CPNE3: variants seen among roughly 807,000 people sequenced by gnomAD.
CPNE3 encodes copine-3.
Under a neutral mutation model 63.9 loss-of-function variants are expected in CPNE3, and 68 were observed. The ratio of observed to expected loss-of-function variants is 1.06; its 90% CI spans 0.87 to 1.30. The LOEUF (loss-of-function observed/expected upper bound fraction) is 1.30, where lower values mean the gene tolerates loss of function less well. Ranked by LOEUF, CPNE3 falls within the 50% of genes most tolerant of loss-of-function variation. The pLI is 0.00. For missense variants in CPNE3, 665 were observed against 578.1 expected (o/e 1.15, Z -1.54); for synonymous variants, 219 against 197.5 (o/e 1.11, Z -0.91).
intron 10 of CPNE3, 94 bp downstream of exon 10, chr8:86,546,775 G>A (rs1402492506): frequency 6.7e-6 from 9 of 1,341,162 alleles, no homozygotes; most frequent in Non-Finnish European, 8.0e-6. Context: ...GCAGTGGTGT[G>A]ATCTCGGCTC....
intron 8 of CPNE3, among the ~76,000 whole-genome samples, chr8:86,542,743 T>A (rs1820969802): frequency 6.6e-6 from 1 of 152,060 alleles, no homozygotes; most frequent in Non-Finnish European, 1.5e-5. Context: ...CCTCATACCG[T>A]ATCTGAACAT....
rs1170910826 is a variant in CPNE3, at chr8:86,532,535, TA to T, written c.415del (p.Arg139GlufsTer37). On this transcript the variant is annotated frameshift_variant, in exon 6 of 17. Transcript: ENST00000517490. LOFTEE classifies it high-confidence loss of function. Reference sequence around the variant, plus strand: ...TTTCAGCTGAAGAAATAAAAGATAATAGAGTGGTCTTGTTTGAAATGGAAGC... The same window carrying T: ...TTTCAGCTGAAGAAATAAAAGATAATGAGTGGTCTTGTTTGAAATGGAAGC... ...TISAEEIKDN[R>X]VVLFEMEARK... The T allele has an allele frequency of 6.2e-7, 1 of 1,612,728 alleles. No homozygotes were observed. Among genetic ancestry groups the T allele is most frequent in the Admixed American group, 1.7e-5 (1 of 59,812 alleles).
intron 8 of CPNE3, among the ~76,000 whole-genome samples, chr8:86,544,223 A>G (rs1019752460): frequency 6.6e-6 from 1 of 152,116 alleles, no homozygotes; most frequent in Non-Finnish European, 1.5e-5. Context: ...ATCATATCTA[A>G]CTTATAATAC....
intron 6 of CPNE3, among the ~76,000 whole-genome samples, chr8:86,536,037 A>G (rs1820795761): frequency 6.6e-6 from 1 of 152,036 alleles, no homozygotes; most frequent in Non-Finnish European, 1.5e-5. Flanking sequence ...TCACGTAAAA[A>G]ATTTACATGG....
chr8:86,537,175 C>G (rs1302133020), intron 6 of CPNE3, among the ~76,000 whole-genome samples: 3 of 152,152 alleles, frequency 2.0e-5, no homozygotes, highest in Admixed American at 2.0e-4. Flanking sequence ...ACTGCCCTGT[C>G]TCCATAGAGT....
At chr8:86,516,451 C>T (rs1212102203) in intron 2 of CPNE3, among the ~76,000 whole-genome samples, 3 of 152,192 alleles carry the variant, frequency 2.0e-5, no homozygotes, top group East Asian at 3.8e-4. Flanking sequence ...TTTCTATGCT[C>T]TTTATGATGG....
At chr8:86,554,543 G>A (rs529847559) in intron 14 of CPNE3, among the ~76,000 whole-genome samples, 1 of 152,032 alleles carries the variant, frequency 6.6e-6, no homozygotes, top group African/African-American at 2.4e-5. Context: ...TTCTATCAGA[G>A]CCACATTCCC....
chr8:86,542,804 T>C (rs1298091077), intron 8 of CPNE3, among the ~76,000 whole-genome samples: 1 of 151,942 alleles, frequency 6.6e-6, no homozygotes, highest in East Asian at 1.9e-4. Flanking sequence ...AAGAGGGAGC[T>C]TTTTCTATAT....
intron 2 of CPNE3, among the ~76,000 whole-genome samples, chr8:86,518,306 G>A (rs1820359278): frequency 6.6e-6 from 1 of 152,200 alleles, no homozygotes; most frequent in Non-Finnish European, 1.5e-5. Context: ...GGAAATTCCA[G>A]AAGGGGGGAA....
chr8:86,551,119 T>G lies in CPNE3; in HGVS notation c.1068+19T>G. The G allele has an allele frequency of 6.2e-7, 1 of 1,613,286 alleles. No individual in the cohort carries two copies. On this transcript the variant is annotated intron_variant, in intron 13 of 16. Transcript: ENST00000517490. ...GTGGCAGGTAAGAGGAAATCTCTAT[T>G]TTAAAGCTTTGCCTCCTAGAAAAGC...
chr8:86,519,623 T>A (rs1402001040), intron 2 of CPNE3, among the ~76,000 whole-genome samples: 1 of 152,248 alleles, frequency 6.6e-6, no homozygotes, highest in African/African-American at 2.4e-5. Context: ...TTTGTTTGTT[T>A]ATTTAAGTCA....
intron 6 of CPNE3, among the ~76,000 whole-genome samples, chr8:86,533,861 A>G (rs1270322076): frequency 6.6e-6 from 1 of 150,920 alleles, no homozygotes; most frequent in Non-Finnish European, 1.5e-5. Flanking sequence ...CCTTTCTTTT[A>G]TTTCTTTCTT....
In CPNE3 at chr8:86,531,847, G is replaced by T. The variant is rs148435396; in HGVS notation, c.387+618G>T. Among the ~76,000 whole-genome samples, 248 of 152,268 alleles carry T rather than the reference G, an allele frequency of 1.6e-3. 1 individual carries two copies. The highest frequency in any genetic ancestry group is 5.6e-3 in the African/African-American group (232 of 41,558). ...TCTGTACAGATAACTGCTGCCTGGA[G>T]TGATAGTATTTTAACTTTAGCTCCC... On this transcript the variant is annotated intron_variant, in intron 5 of 16. Coordinates refer to ENST00000517490, the MANE Select transcript of CPNE3 (RefSeq NM_003909.5).
intron 6 of CPNE3, among the ~76,000 whole-genome samples, chr8:86,534,885 G>C (rs1169211642): frequency 6.6e-6 from 1 of 152,134 alleles, no homozygotes; most frequent in African/African-American, 2.4e-5. Context: ...AATGTGACCA[G>C]TGAAGTTTTT....
chr8:86,521,681 G>T (rs1474831058), intron 2 of CPNE3: 1 of 152,176 alleles, frequency 6.6e-6, no homozygotes, highest in Non-Finnish European at 1.5e-5. Context: ...GGTTTATGCT[G>T]TGGTGGTGAC....
At chr8:86,553,930 A>G (rs11782610) in intron 14 of CPNE3, 99,757 of 151,722 alleles carry the variant, frequency 0.66, 33,784 homozygotes, top group Non-Finnish European at 0.74. Flanking sequence ...AATGTCAGTC[A>G]GCTTTCACTG....
intron 2 of CPNE3, among the ~76,000 whole-genome samples, chr8:86,527,024 T>A (rs751829900): frequency 2.0e-5 from 3 of 152,224 alleles, no homozygotes; most frequent in Non-Finnish European, 4.4e-5. Context: ...CTAATGATAA[T>A]CTTTGTTACT....
At chr8:86,527,038 G>A (rs1820557890) in intron 2 of CPNE3, among the ~76,000 whole-genome samples, 1 of 152,084 alleles carries the variant, frequency 6.6e-6, no homozygotes, top group African/African-American at 2.4e-5. Context: ...TGTTACTTCA[G>A]ATTTGCTTAG....
At chr8:86,532,629 T>C (rs772791896) in intron 6 of CPNE3, 49 bp downstream of exon 6, 31 of 1,503,266 alleles carry the variant, frequency 2.1e-5, no homozygotes, top group Non-Finnish European at 2.7e-5. Context: ...TTTGCCTCTT[T>C]TTTAAGAAAA....
Sources: allele counts gnomAD v4.1 joint callset (sites outside exome capture counted in the v4.1 genomes callset), GRCh38; gene constraint gnomAD v4.1.1; transcripts MANE v1.5; gene names NCBI Gene and HGNC (gene_info 2026-07-23, HGNC 2026-07-21).